The following ZNF83 variants were observed in gnomAD, a reference collection of about 807,000 sequenced individuals.
The protein encoded by ZNF83 is zinc finger protein 816B.
For missense variants in ZNF83, 552 were observed against 629.9 expected, an observed-to-expected ratio of 0.88 and a Z score of 1.32; for synonymous variants, 209 against 213.0, an observed-to-expected ratio of 0.98 and a Z score of 0.17.
At chr19:52,674,890 CA>C (rs774157953) in intron 1 of ZNF83, among the ~76,000 whole-genome samples, 1 of 152,028 alleles carries the variant, frequency 6.6e-6, no homozygotes, top group Non-Finnish European at 1.5e-5. Context: ...GTCAAAGAAA[CA>C]AAAAACCGGC....
intron 1 of ZNF83, among the ~76,000 whole-genome samples, chr19:52,670,288 C>A (rs2061707411): frequency 6.6e-6 from 1 of 152,150 alleles, no homozygotes; most frequent in African/African-American, 2.4e-5. Flanking sequence ...CCAAACCACT[C>A]ACCTTGTCAC....
intron 2 of ZNF83, among the ~76,000 whole-genome samples, chr19:52,616,020 TA>T (rs1476237373): frequency 7.2e-5 from 11 of 152,152 alleles, no homozygotes; most frequent in African/African-American, 2.4e-4. Context: ...TGTATTTTAA[TA>T]GAGACGGGGC....
intron 1 of ZNF83, among the ~76,000 whole-genome samples, chr19:52,661,734 A>G (rs1431833184): frequency 1.3e-5 from 2 of 152,192 alleles, no homozygotes; most frequent in African/African-American, 4.8e-5. Context: ...TCCAGTGAAC[A>G]GCGAAGGAGC....
At chr19:52,632,179 A>C (rs2060994762) in intron 2 of ZNF83, among the ~76,000 whole-genome samples, 1 of 152,174 alleles carries the variant, frequency 6.6e-6, no homozygotes, top group South Asian at 2.1e-4. Flanking sequence ...CTGACAGCAG[A>C]CCAGACTTTA....
At chr19:52,658,359 AG>A (rs1195557792) in intron 2 of ZNF83, among the ~76,000 whole-genome samples, 1 of 152,058 alleles carries the variant, frequency 6.6e-6, no homozygotes, top group Non-Finnish European at 1.5e-5. Flanking sequence ...TGAGGTCAGA[AG>A]TTCATGACCG....
intron 1 of ZNF83, among the ~76,000 whole-genome samples, chr19:52,682,360 G>A (rs773977425): frequency 1.1e-4 from 16 of 151,628 alleles, no homozygotes; most frequent in Non-Finnish European, 2.2e-4. Flanking sequence ...ACTTCACCCT[G>A]GACAGAATAA....
In ZNF83 at chr19:52,671,505, A is replaced by G. The variant is rs551311457; in HGVS notation, c.-282-10662T>C. ...GTCACCCCGGCTGGAATGCAGTGGC[A>G]GGAACACTGCTCCTTGCACCCTCAA... On this transcript the variant is annotated intron_variant, in intron 1 of 5. Coordinates refer to the ZNF83 transcript ENST00000594682. 2.6e-3 allele frequency among the ~76,000 whole-genome samples: 396 copies of G among 152,024 alleles called. 2 individuals carry two copies. The highest frequency in any genetic ancestry group is 4.0e-3 in the Non-Finnish European group (269 of 67,986).
At chr19:52,660,210 C>G (rs1438050615) in intron 2 of ZNF83, among the ~76,000 whole-genome samples, 2 of 152,082 alleles carry the variant, frequency 1.3e-5, no homozygotes, top group East Asian at 3.9e-4. Context: ...AGAGAGGGCA[C>G]CTCTGCAGCT....
chr19:52,614,503 G>A lies in ZNF83; in HGVS notation c.62C>T (p.Pro21Leu), dbSNP rs375213269. ...CTGCAGTTCTGGTAGATGTGACTGC[G>A]GGTTTAATCCAAGCTGATTTTTAAC... Residue 21 changes from proline (P) to leucine (L), a missense_variant, in exon 3 of 3, where the codon CCG (proline) becomes CTG (leucine). Pro to Leu is a moderately conservative substitution (Grantham distance 98). Transcript: ENST00000301096. 1.7e-5 allele frequency: 27 copies of A among 1,606,980 alleles called. 1 individual carries two copies. Among genetic ancestry groups the A allele is most frequent in the South Asian group, 1.7e-4 (15 of 90,652 alleles).
At chr19:52,659,344 C>G (rs977313432) in intron 2 of ZNF83, among the ~76,000 whole-genome samples, 3 of 151,944 alleles carry the variant, frequency 2.0e-5, no homozygotes, top group Admixed American at 2.0e-4. Flanking sequence ...GGTGCCCACT[C>G]GAGGTTACCA....
intron 3 of ZNF83, among the ~76,000 whole-genome samples, chr19:52,645,471 T>A (rs1410606439): frequency 6.6e-6 from 1 of 152,202 alleles, no homozygotes. Context: ...CAAAGGCATC[T>A]TTCAGAAGTG....
exon 3 of ZNF83, chr19:52,614,023 TCATTA>T: frequency 6.2e-7 from 1 of 1,613,392 alleles, no homozygotes; most frequent in East Asian, 2.2e-5. Context: ...CTTGCCACAT[TCATTA>T]CATTTATATG....
At chr19:52,673,188 GA>G (rs1568576751) in intron 1 of ZNF83, among the ~76,000 whole-genome samples, 1 of 151,926 alleles carries the variant, frequency 6.6e-6, no homozygotes, top group African/African-American at 2.4e-5. Context: ...CAGACTGTGC[GA>G]AAGAGCTGGA....
At chr19:52,652,462 A>G (rs747884764) in intron 3 of ZNF83, 46 of 413,118 alleles carry the variant, frequency 1.1e-4, no homozygotes, top group Admixed American at 2.2e-4. Flanking sequence ...GACTGCCACA[A>G]TTATCACAGT....
intron 1 of ZNF83, among the ~76,000 whole-genome samples, chr19:52,663,729 A>C (rs1351985819): frequency 1.3e-5 from 2 of 152,246 alleles, no homozygotes; most frequent in Admixed American, 6.5e-5. Flanking sequence ...GAACACAATA[A>C]ATTTCAGAGA....
chr19:52,646,013 C>A (rs995433192), intron 3 of ZNF83, among the ~76,000 whole-genome samples: 1 of 152,068 alleles, frequency 6.6e-6, no homozygotes, highest in Non-Finnish European at 1.5e-5. Context: ...GATTTCGGCT[C>A]ACTGCAACCT....
intron 2 of ZNF83, among the ~76,000 whole-genome samples, chr19:52,634,476 C>T (rs8106428): frequency 0.38 from 57,175 of 151,902 alleles, 10,973 homozygotes; most frequent in African/African-American, 0.43. Context: ...TGCTATTATT[C>T]AGGTTGATTT....
intron 1 of ZNF83, among the ~76,000 whole-genome samples, chr19:52,668,664 G>A (rs759060566): frequency 2.0e-5 from 3 of 152,166 alleles, no homozygotes; most frequent in Non-Finnish European, 2.9e-5. Context: ...GCAAACCATA[G>A]CTATTGAAAC....
chr19:52,655,503 G>C, intron 3 of ZNF83: 4 of 1,396,866 alleles, frequency 2.9e-6, no homozygotes, highest in Non-Finnish European at 4.0e-6. Flanking sequence ...TACAAAACCA[G>C]GAAGAGCCAA....
Sources: gnomAD v4.1 joint callset for allele counts (sites outside exome capture counted in the v4.1 genomes callset) on GRCh38, gnomAD v4.1.1 for gene constraint, MANE v1.5 for transcripts, NCBI Gene and HGNC (gene_info 2026-07-23, HGNC 2026-07-21) for gene names.